Variants in PKD1L1 observed in about 807,000 individuals in gnomAD.
PKD1L1 encodes the protein polycystin-1-like protein 1.
A neutral mutation model predicts 323.4 loss-of-function variants in PKD1L1; 236 were observed. That is an observed-to-expected ratio of 0.73 (90% CI 0.66 to 0.81). PKD1L1 has a LOEUF of 0.81. Ranked by LOEUF, PKD1L1 falls within the 40% of genes least tolerant of loss-of-function variation. PKD1L1 has a pLI of 0.00. For synonymous variants in PKD1L1, 1,344 were observed against 1,335.0 expected (o/e 1.01, Z -0.15); for missense variants, 3,320 against 3,508.0 (o/e 0.95, Z 1.35).
At chr7:47,885,611 A>G (rs1786664356) in intron 18 of PKD1L1, 75 bp downstream of exon 18, 1 of 1,531,024 alleles carries the variant, frequency 6.5e-7, no homozygotes, top group Non-Finnish European at 8.8e-7. Context: ...CACCTTACCC[A>G]CCAGATTCAC....
chr7:47,844,976 T>C lies in PKD1L1; in HGVS notation c.5237+19A>G. 1.3e-6 allele frequency: 2 copies of C among 1,597,832 alleles called. No homozygotes were observed. The highest frequency in any genetic ancestry group is 8.6e-7 in the Non-Finnish European group (1 of 1,166,860). On this transcript the variant is annotated intron_variant, in intron 33 of 56. Transcript: ENST00000289672. ...ACAAATAAAGTCTATGAAGTCTTTA[T>C]GTAGGAAATGGAACTTACCTCTGTA... is the stretch of plus-strand genomic sequence containing the variant.
intron 27 of PKD1L1, among the ~76,000 whole-genome samples, chr7:47,858,410 C>T (rs117064422): frequency 0.017 from 2,656 of 151,938 alleles, 36 homozygotes; most frequent in South Asian, 0.034. Flanking sequence ...GTCAAACATC[C>T]CAAATATCCC....
Position 47,774,731 on chromosome 7 carries a change from TAAATATTAG to T in PKD1L1, c.*403_*411del, listed in dbSNP as rs1786530646. The T allele has an allele frequency of 6.4e-6, 1 of 155,910 alleles. No individual in the cohort carries two copies. Among genetic ancestry groups the T allele is most frequent in the Admixed American group, 6.5e-5 (1 of 15,408 alleles). 9.7% of individuals were successfully genotyped at this position (155,910 alleles called of 1,614,324 possible). A position where few individuals can be genotyped will look rare whatever the true frequency, so the allele number is the denominator to read the frequency against. On this transcript the variant is annotated 3_prime_UTR_variant, in exon 57 of 57. Coordinates refer to ENST00000289672, the MANE Select transcript of PKD1L1 (RefSeq NM_138295.5). ...AGGATTTTACTTCAAAAATCTTATT[TAAATATTAG>T]AATGTTATCCTGGTCTCTTTCATCG...
chr7:47,817,632 G>T (rs999182676), intron 46 of PKD1L1, among the ~76,000 whole-genome samples: 1 of 152,170 alleles, frequency 6.6e-6, no homozygotes, highest in Non-Finnish European at 1.5e-5. Context: ...ACTTTGGAAG[G>T]CCGAGGTGAG....
At chr7:47,872,813 C>A (rs1786310747) in intron 24 of PKD1L1, among the ~76,000 whole-genome samples, 1 of 152,178 alleles carries the variant, frequency 6.6e-6, no homozygotes. Flanking sequence ...TTCCTAGTTA[C>A]CTACCCAAGG....
intron 56 of PKD1L1, among the ~76,000 whole-genome samples, chr7:47,784,211 G>A (rs936252751): frequency 6.6e-6 from 1 of 152,204 alleles, no homozygotes; most frequent in Non-Finnish European, 1.5e-5. Context: ...AAAGCAGAGA[G>A]AATTCATTTC....
chr7:47,904,238 C>T, intron 12 of PKD1L1, 140 bp downstream of exon 12: 1 of 1,181,608 alleles, frequency 8.5e-7, no homozygotes, highest in Non-Finnish European at 1.2e-6. Context: ...ATGGTCAGGT[C>T]TTATTTGTCT....
Position 47,866,593 on chromosome 7 carries a change from G to A in PKD1L1, c.3918C>T (p.Asn1306=), listed in dbSNP as rs759581550. The A allele has an allele frequency of 6.2e-6, 10 of 1,608,250 alleles. No homozygotes were observed. In the South Asian group the frequency reaches 1.1e-4, roughly 18 times the overall value. Residue 1306 remains asparagine (N), a synonymous_variant, in exon 25 of 57, where the codon AAC becomes AAT. Transcript: ENST00000289672. The part of the protein sequence containing the change: ...GEDLYNSSLK[N]LSTLQLMGSY... ...TCCCCATCAGCTGGAGGGTAGAAAGGTTTTTCAGGCTGGAATTATACCTGA... is the reference window on the plus strand; with the variant it reads ...TCCCCATCAGCTGGAGGGTAGAAAGATTTTTCAGGCTGGAATTATACCTGA...
At chr7:47,925,407 C>T (rs566360301) in intron 7 of PKD1L1, among the ~76,000 whole-genome samples, 7 of 151,860 alleles carry the variant, frequency 4.6e-5, no homozygotes, top group African/African-American at 1.2e-4. Flanking sequence ...GAAAGATGCA[C>T]GGAAAAAATG....
intron 33 of PKD1L1, among the ~76,000 whole-genome samples, chr7:47,844,287 C>T (rs1039546215): frequency 3.3e-5 from 5 of 152,072 alleles, no homozygotes; most frequent in Admixed American, 1.3e-4. Context: ...TAAAGTAATA[C>T]GATTGATGAA....
intron 53 of PKD1L1, 56 bp from the exon 54 acceptor site, chr7:47,800,935 A>G: frequency 6.8e-7 from 1 of 1,464,924 alleles, no homozygotes; most frequent in Non-Finnish European, 9.5e-7. Context: ...TAGGAGTGGA[A>G]GACTCAACTT....
intron 52 of PKD1L1, among the ~76,000 whole-genome samples, chr7:47,804,385 A>C (rs1482088480): frequency 2.6e-5 from 4 of 152,224 alleles, no homozygotes; most frequent in Non-Finnish European, 4.4e-5. Context: ...ATTTTGTTTA[A>C]AATAGTACAT....
rs751455496 is a variant in PKD1L1, at chr7:47,833,270, T to C, written c.6175-18A>G. The C allele has an allele frequency of 1.2e-6, 2 of 1,609,270 alleles. No individual in the cohort carries two copies. Among genetic ancestry groups the C allele is most frequent in the East Asian group, 4.5e-5 (2 of 44,796 alleles). ...GCAGGTTGCTAGAATGACAAGGTCA[T>C]GCCAAGGTTAATATCTCCACAGACA... is the stretch of plus-strand genomic sequence containing the variant. On this transcript the variant is annotated intron_variant, in intron 40 of 56. Coordinates refer to ENST00000289672, the MANE Select transcript of PKD1L1 (RefSeq NM_138295.5).
At position 47,929,538 on chromosome 7, in the gene PKD1L1, AG is replaced by A; in HGVS notation, c.738-13del. The A allele has an allele frequency of 1.2e-6, 2 of 1,602,524 alleles. No individual in the cohort carries two copies. The highest frequency in any genetic ancestry group is 1.7e-5 in the Admixed American group (1 of 58,860). ...GAAGGCCGTGGGAGCTGTGGGAGAGAGGGAGAGGCTTCAGATTTCATGACAG... is the reference window on the plus strand; with the variant it reads ...GAAGGCCGTGGGAGCTGTGGGAGAGAGGAGAGGCTTCAGATTTCATGACAG... On this transcript the variant is annotated splice_polypyrimidine_tract_variant and intron_variant, in intron 6 of 56. Transcript: ENST00000289672.
At chr7:47,901,132 G>A (rs1047289893) in intron 13 of PKD1L1, among the ~76,000 whole-genome samples, 1 of 151,952 alleles carries the variant, frequency 6.6e-6, no homozygotes, top group Non-Finnish European at 1.5e-5. Context: ...TTGAGGCCAG[G>A]AGTTAAAGAC....
At chr7:47,883,859 T>C (rs1387190220) in intron 19 of PKD1L1, among the ~76,000 whole-genome samples, 2 of 152,370 alleles carry the variant, frequency 1.3e-5, no homozygotes, top group Middle Eastern at 3.4e-3. Flanking sequence ...ATTTGACAGA[T>C]AAATCATTCA....
rs750052718 is a variant in PKD1L1, at chr7:47,855,002, C to T, written c.4739G>A (p.Arg1580Gln). The T allele has an allele frequency of 8.2e-5, 132 of 1,613,588 alleles. No homozygotes were observed. In the Admixed American group the frequency reaches 2.0e-3, roughly 24 times the overall value. ...GAACTGATGGAGATTCACTTTATCC[C>T]GAAGTAATACAAATGTCGTTTTATT... The part of the protein sequence containing the change: ...RRNKTTFVLL[R>Q]DKVNLHQFTE... The change falls in exon 30 of 57, where the codon CGG becomes CAG. Residue 1580 changes from arginine to glutamine, a missense_variant. Transcript: ENST00000289672.
rs1784637815 is a variant in PKD1L1, at chr7:47,800,564, T to A, written c.8193+85A>T. On this transcript the variant is annotated intron_variant, in intron 54 of 56. Coordinates refer to ENST00000289672, the MANE Select transcript of PKD1L1 (RefSeq NM_138295.5). Reference sequence around the variant, plus strand: ...AGATCTGGCCTGTGTTGCCTGGCCCTGTCCACATGGACCAGAGTTTCACCC... The same window carrying A: ...AGATCTGGCCTGTGTTGCCTGGCCCAGTCCACATGGACCAGAGTTTCACCC... 11 of 1,369,952 alleles carry A rather than the reference T, an allele frequency of 8.0e-6. No individual in the cohort carries two copies. In the South Asian group the frequency reaches 1.4e-4, roughly 17 times the overall value. 84.9% of individuals were successfully genotyped at this position (1,369,952 alleles called of 1,614,324 possible).
the PKD1L1 span, among the ~76,000 whole-genome samples, chr7:47,959,263 G>A: frequency 6.6e-6 from 1 of 151,938 alleles, no homozygotes; most frequent in Non-Finnish European, 1.5e-5. Context: ...GAAGTGAGGA[G>A]CGTCTCTGCC....
Sources: allele counts gnomAD v4.1 joint callset (sites outside exome capture counted in the v4.1 genomes callset), GRCh38; gene constraint gnomAD v4.1.1; transcripts MANE v1.5; gene names NCBI Gene and HGNC (gene_info 2026-07-23, HGNC 2026-07-21).